RSU1: variants seen among roughly 807,000 people sequenced by gnomAD.
The protein encoded by RSU1 is rsu-1.
In RSU1, 26 loss-of-function variants were observed where a neutral mutation model predicts 31.1. The observed-to-expected ratio is 0.84, with a 90% CI of 0.61 to 1.16. The LOEUF is 1.16. Among genes scored for constraint, RSU1 ranks in the 50% most tolerant of loss-of-function variants. RSU1 has a pLI of 0.00. For synonymous variants in RSU1, 164 were observed against 136.3 expected (o/e 1.20, Z -1.41); for missense variants, 320 against 339.1 (o/e 0.94, Z 0.44).
At chr10:16,670,611 G>A (rs3847362) in intron 8 of RSU1, among the ~76,000 whole-genome samples, 99,907 of 152,036 alleles carry the variant, frequency 0.66, 34,569 homozygotes, top group African/African-American at 0.88. Flanking sequence ...AAGCCCATAA[G>A]ACATTCTCAA....
chr10:16,796,439 A>T (rs1394529534), intron 2 of RSU1, among the ~76,000 whole-genome samples: 2 of 151,970 alleles, frequency 1.3e-5, no homozygotes, highest in African/African-American at 4.8e-5. Flanking sequence ...AACACTGCAA[A>T]CAAATCTGCC....
At chr10:16,643,401 A>C (rs1451280032) in intron 8 of RSU1, among the ~76,000 whole-genome samples, 1 of 152,226 alleles carries the variant, frequency 6.6e-6, no homozygotes, top group Non-Finnish European at 1.5e-5. Flanking sequence ...TTATTAACTT[A>C]GTACTTTGTG....
At chr10:16,809,812 G>T (rs1838364751) in intron 2 of RSU1, among the ~76,000 whole-genome samples, 1 of 150,314 alleles carries the variant, frequency 6.7e-6, no homozygotes, top group African/African-American at 2.4e-5. Flanking sequence ...GGTTATAATG[G>T]CAAAGCAGTG....
At chr10:16,714,426 A>G (rs1161386043) in intron 7 of RSU1, among the ~76,000 whole-genome samples, 1 of 152,212 alleles carries the variant, frequency 6.6e-6, no homozygotes, top group African/African-American at 2.4e-5. Flanking sequence ...AGCAGCATTC[A>G]GCTGCTCTTT....
At chr10:16,782,785 C>T (rs1465020973) in intron 2 of RSU1, among the ~76,000 whole-genome samples, 2 of 152,100 alleles carry the variant, frequency 1.3e-5, no homozygotes, top group Non-Finnish European at 2.9e-5. Flanking sequence ...AAAATATATA[C>T]AGAGCCACAA....
At chr10:16,798,680 T>C (rs1051941330) in intron 2 of RSU1, among the ~76,000 whole-genome samples, 6 of 152,200 alleles carry the variant, frequency 3.9e-5, no homozygotes, top group African/African-American at 1.4e-4. Context: ...TGTAGCAGTA[T>C]GAAAACAGAC....
At chr10:16,656,378 T>C (rs924277091) in intron 8 of RSU1, among the ~76,000 whole-genome samples, 1 of 152,242 alleles carries the variant, frequency 6.6e-6, no homozygotes, top group African/African-American at 2.4e-5. Flanking sequence ...TGTTGCATTG[T>C]TATTTACTTA....
chr10:16,616,219 T>C (rs527341489), intron 8 of RSU1, among the ~76,000 whole-genome samples: 2 of 151,908 alleles, frequency 1.3e-5, no homozygotes, highest in South Asian at 2.1e-4. Context: ...CAGAATACTA[T>C]AAACACCTCT....
intron 8 of RSU1, among the ~76,000 whole-genome samples, chr10:16,656,783 G>C (rs1025032553): frequency 6.6e-6 from 1 of 152,170 alleles, no homozygotes; most frequent in African/African-American, 2.4e-5. Flanking sequence ...TTTAACAAAA[G>C]TCGGACATTT....
At position 16,669,378 on chromosome 10, in the gene RSU1, C is replaced by CG. The variant is rs1835062779; in HGVS notation, c.731+25644_731+25645insC. On this transcript the variant is annotated intron_variant, in intron 8 of 8. Coordinates refer to ENST00000345264, the MANE Select transcript of RSU1 (RefSeq NM_012425.4). The stretch of plus-strand genomic sequence containing the variant: ...TTAACATTTTCTGTTTTTTTTCCCC[C>CG]CCCAAAGCACCATACTGCTTTTTAA... Among the ~76,000 whole-genome samples, 4 of 151,898 alleles carry CG rather than the reference C, an allele frequency of 2.6e-5. No individual in the cohort carries two copies. The South Asian group carries it at 8.4e-4, about 32-fold the overall frequency.
At chr10:16,793,939 G>A (rs539829534) in intron 2 of RSU1, among the ~76,000 whole-genome samples, 1 of 152,002 alleles carries the variant, frequency 6.6e-6, no homozygotes, top group African/African-American at 2.4e-5. Context: ...TCAGGGGACT[G>A]AGTAAAGAAG....
chr10:16,637,079 A>G (rs578064616), intron 8 of RSU1, among the ~76,000 whole-genome samples: 1 of 152,212 alleles, frequency 6.6e-6, no homozygotes, highest in Non-Finnish European at 1.5e-5. Context: ...ATTTCCTGCA[A>G]CCAAAGCATT....
intron 8 of RSU1, among the ~76,000 whole-genome samples, chr10:16,645,942 ATATATGTGTATATACATATATG>A (rs1834547740): frequency 1.5e-5 from 1 of 64,938 alleles, no homozygotes; most frequent in Non-Finnish European, 2.8e-5. Flanking sequence ...ATATGTGTAT[ATATATGTGTATATACATATATG>A]TGTATATATA....
chr10:16,808,192 C>T (rs773657982), intron 2 of RSU1, among the ~76,000 whole-genome samples: 1 of 151,994 alleles, frequency 6.6e-6, no homozygotes, highest in African/African-American at 2.4e-5. Context: ...CAAGAGTGAA[C>T]TCCAACCGGG....
chr10:16,700,945 T>C (rs554153617), intron 7 of RSU1, among the ~76,000 whole-genome samples: 2 of 152,244 alleles, frequency 1.3e-5, no homozygotes, highest in South Asian at 2.1e-4. Flanking sequence ...TTTGAAAAAA[T>C]ACAGTAGAAA....
intron 7 of RSU1, among the ~76,000 whole-genome samples, chr10:16,734,620 A>G (rs540476468): frequency 7.2e-5 from 11 of 152,244 alleles, no homozygotes; most frequent in Non-Finnish European, 1.0e-4. Flanking sequence ...ATGAAAAATA[A>G]TGGCTTAAGG....
At chr10:16,793,450 G>A (rs1439594286) in intron 2 of RSU1, among the ~76,000 whole-genome samples, 2 of 152,074 alleles carry the variant, frequency 1.3e-5, no homozygotes, top group Non-Finnish European at 2.9e-5. Flanking sequence ...TCACTAATTG[G>A]AGTCTATGAG....
intron 7 of RSU1, among the ~76,000 whole-genome samples, chr10:16,709,117 A>G (rs1289806784): frequency 3.3e-5 from 5 of 151,696 alleles, no homozygotes; most frequent in Admixed American, 6.6e-5. Context: ...TTAGCATTAG[A>G]TGTATCTCCT....
intron 2 of RSU1, among the ~76,000 whole-genome samples, chr10:16,812,815 C>G (rs1387931483): frequency 6.6e-6 from 1 of 151,980 alleles, no homozygotes; most frequent in African/African-American, 2.4e-5. Flanking sequence ...AAAGTTCCTC[C>G]GGCTACAGCT....
Sources: allele counts gnomAD v4.1 joint callset (sites outside exome capture counted in the v4.1 genomes callset), GRCh38; gene constraint gnomAD v4.1.1; transcripts MANE v1.5; gene names NCBI Gene and HGNC (gene_info 2026-07-23, HGNC 2026-07-21).